Variants in C16orf89 observed in about 807,000 individuals in gnomAD.
The protein encoded by C16orf89 is UPF0764 protein C16orf89.
Under a neutral mutation model 41.5 loss-of-function variants are expected in C16orf89, and 57 were observed. The observed-to-expected ratio is 1.38, with a 90% confidence interval of 1.11 to 1.71. The LOEUF is 1.71. Among genes scored for constraint, C16orf89 ranks in the 40% most tolerant of loss-of-function variants. C16orf89 has a pLI of 0.00. For missense variants in C16orf89, 575 were observed against 445.9 expected (o/e 1.29, Z -2.61); for synonymous variants, 223 against 190.6 (o/e 1.17, Z -1.40).
chr16:5,044,157 C>T lies in C16orf89; in HGVS notation c.*191G>A. ...TTGAACTTTATTCATCCGTTCACAC[C>T]TGGGTCCCTCCCGGCCCCCACCTAC... On this transcript the variant is annotated 3_prime_UTR_variant, in exon 8 of 8. Transcript: ENST00000472572. The T allele has an allele frequency of 7.4e-7, 1 of 1,348,656 alleles. No individual in the cohort carries two copies. The highest frequency in any genetic ancestry group is 9.5e-7 in the Non-Finnish European group (1 of 1,054,528). 83.5% of individuals were successfully genotyped at this position (1,348,656 alleles called of 1,614,324 possible).
intron 6 of C16orf89, among the ~76,000 whole-genome samples, chr16:5,052,961 C>A (rs900541096): frequency 7.2e-5 from 11 of 152,186 alleles, no homozygotes; most frequent in South Asian, 6.2e-4. Context: ...TAACCAAATT[C>A]TTTCATTCAT....
chr16:5,047,842 T>A, intron 7 of C16orf89, 36 bp downstream of exon 7: 1 of 1,218,962 alleles, frequency 8.2e-7, no homozygotes, highest in Non-Finnish European at 1.2e-6. Flanking sequence ...ATATCTTAGT[T>A]TCATGTCAAG....
rs915606260 is a variant in C16orf89, at chr16:5,048,054, G to A, written c.869-90C>T. On this transcript the variant is annotated intron_variant, in intron 6 of 7. Coordinates refer to ENST00000472572, the MANE Select transcript of C16orf89 (RefSeq NM_001098514.3). Reference sequence around the variant, plus strand: ...TTTACTGCTTTTATTGTAGAGACAGGGTCTCATTCTATTGGCCAGGCTGGG... The same window carrying A: ...TTTACTGCTTTTATTGTAGAGACAGAGTCTCATTCTATTGGCCAGGCTGGG... 2.3e-5 allele frequency: 17 copies of A among 746,090 alleles called. No homozygotes were observed. The Middle Eastern group carries it at 1.0e-3, about 45-fold the overall frequency. The allele number at this position is 746,090 out of a possible 1,614,324, so 46.2% of individuals were successfully genotyped here. A position where few individuals can be genotyped will look rare whatever the true frequency, so the allele number is the denominator to read the frequency against.
chr16:5,048,936 GA>G (rs200854748), intron 6 of C16orf89, among the ~76,000 whole-genome samples: 5 of 149,054 alleles, frequency 3.4e-5, no homozygotes, highest in Admixed American at 6.7e-5. Flanking sequence ...CTGAATGAAT[GA>G]AAAAAAACGA....
intron 6 of C16orf89, among the ~76,000 whole-genome samples, chr16:5,050,024 C>G (rs1360937679): frequency 6.6e-6 from 1 of 152,134 alleles, no homozygotes; most frequent in Non-Finnish European, 1.5e-5. Context: ...GCTGATACCA[C>G]TGAAATACAA....
At chr16:5,050,550 T>C (rs548813484) in intron 6 of C16orf89, among the ~76,000 whole-genome samples, 1 of 152,276 alleles carries the variant, frequency 6.6e-6, no homozygotes, top group South Asian at 2.1e-4. Context: ...CTGCTGAATT[T>C]TACCAAATAT....
At chr16:5,060,863 G>C (rs960215603) in intron 2 of C16orf89, among the ~76,000 whole-genome samples, 1 of 151,628 alleles carries the variant, frequency 6.6e-6, no homozygotes, top group African/African-American at 2.4e-5. Context: ...GCCAGGTGTG[G>C]TGGTGTGCAC....
intron 1 of C16orf89, among the ~76,000 whole-genome samples, 196 bp from the exon 2 acceptor site, chr16:5,062,770 G>A (rs1454624533): frequency 6.6e-6 from 1 of 152,172 alleles, no homozygotes; most frequent in African/African-American, 2.4e-5. Context: ...CAATGAGAAT[G>A]GGTGTCAGAG....
At chr16:5,057,104 G>A (rs1956523703) in intron 4 of C16orf89, among the ~76,000 whole-genome samples, 1 of 151,816 alleles carries the variant, frequency 6.6e-6, no homozygotes, top group African/African-American at 2.4e-5. Flanking sequence ...TGGGCATAGT[G>A]GGACGTGCCT....
At chr16:5,060,639 C>G (rs964119354) in intron 2 of C16orf89, among the ~76,000 whole-genome samples, 2 of 152,052 alleles carry the variant, frequency 1.3e-5, no homozygotes, top group African/African-American at 4.8e-5. Context: ...TTCCCCTAAT[C>G]AATAGGAACA....
Position 5,062,307 on chromosome 16 carries a change from G to A in C16orf89, c.358+118C>T, listed in dbSNP as rs79507565. ...TGGCTTGCTCAGCAGACAGGTCCAAGTTGGTTACGGACTGTCCCAGCCCAG... is the reference window on the plus strand; with the variant it reads ...TGGCTTGCTCAGCAGACAGGTCCAAATTGGTTACGGACTGTCCCAGCCCAG... On this transcript the variant is annotated intron_variant, in intron 2 of 7. Coordinates refer to ENST00000472572, the MANE Select transcript of C16orf89 (RefSeq NM_001098514.3). 898 of 1,278,338 alleles carry A rather than the reference G, an allele frequency of 7.0e-4. 4 individuals are homozygous for A. The Admixed American group carries it at 0.013, about 19-fold the overall frequency. The allele number at this position is 1,278,338 out of a possible 1,614,324, so 79.2% of individuals were successfully genotyped here. A position where few individuals can be genotyped will look rare whatever the true frequency, so the allele number is the denominator to read the frequency against.
At chr16:5,063,690 G>A (rs1956674675) in intron 1 of C16orf89, among the ~76,000 whole-genome samples, 2 of 152,194 alleles carry the variant, frequency 1.3e-5, no homozygotes, top group Admixed American at 6.5e-5. Context: ...CACACCTTAT[G>A]AGGATCTAAT....
chr16:5,054,381 C>T (rs368550498), intron 6 of C16orf89, among the ~76,000 whole-genome samples: 2 of 152,154 alleles, frequency 1.3e-5, no homozygotes, highest in Non-Finnish European at 1.5e-5. Flanking sequence ...CTCTGCCTCT[C>T]CACCCTCTGC....
chr16:5,062,494 C>A lies in C16orf89; in HGVS notation c.289G>T (p.Glu97Ter). The A allele has an allele frequency of 6.2e-7, 1 of 1,614,028 alleles. No individual in the cohort carries two copies. Among genetic ancestry groups the A allele is most frequent in the Non-Finnish European group, 8.5e-7 (1 of 1,179,908 alleles). ...PLSLRVGMLG[E>*]KLEAAIQRSL... ...CTCTGGATGGCAGCCTCCAGCTTCT[C>A]CCCCAGCATCCCCACGCGCAGGCTC... The change falls in exon 2 of 8, where the codon GAG (glutamate) becomes TAG (stop). Residue 97 changes from glutamate (E) to a stop codon, truncating the protein, a stop_gained. Transcript: ENST00000472572. LOFTEE classifies it high-confidence loss of function.
intron 5 of C16orf89, chr16:5,055,800 A>C: frequency 6.9e-7 from 1 of 1,447,898 alleles, no homozygotes; most frequent in Non-Finnish European, 9.4e-7. Context: ...TTCGATAAAC[A>C]ATGAATATAA....
intron 7 of C16orf89, chr16:5,044,957 C>G: frequency 8.4e-7 from 1 of 1,194,412 alleles, no homozygotes; most frequent in Non-Finnish European, 1.1e-6. Flanking sequence ...CTTCCGCCAG[C>G]TGCTAAGGGC....
chr16:5,052,097 C>T (rs1596688913), intron 6 of C16orf89, among the ~76,000 whole-genome samples: 1 of 72,438 alleles, frequency 1.4e-5, no homozygotes, highest in Non-Finnish European at 2.6e-5. Flanking sequence ...ACGAGACTGT[C>T]TCAAAAAAAA....
intron 6 of C16orf89, among the ~76,000 whole-genome samples, chr16:5,051,301 C>A (rs909909841): frequency 6.6e-6 from 1 of 152,064 alleles, no homozygotes; most frequent in African/African-American, 2.4e-5. Flanking sequence ...AGACAGGAAA[C>A]CCTAAAAGCT....
chr16:5,059,003 G>A (rs1246349825), intron 3 of C16orf89, among the ~76,000 whole-genome samples: 2 of 152,092 alleles, frequency 1.3e-5, no homozygotes, highest in African/African-American at 4.8e-5. Context: ...ACTTTGGGAG[G>A]CTGAGGCAGG....
Sources: gnomAD v4.1 joint callset for allele counts (sites outside exome capture counted in the v4.1 genomes callset) on GRCh38, gnomAD v4.1.1 for gene constraint, MANE v1.5 for transcripts, NCBI Gene and HGNC (gene_info 2026-07-23, HGNC 2026-07-21) for gene names.